The following LYST variants were observed in gnomAD, a reference collection of about 807,000 sequenced individuals.
LYST encodes lysosomal trafficking regulator.
A neutral mutation model predicts 413.6 loss-of-function variants in LYST; 192 were observed. That is an observed-to-expected ratio of 0.46 (90% CI 0.41 to 0.52). The LOEUF (loss-of-function observed/expected upper bound fraction) is 0.52, where lower values mean the gene tolerates loss of function less well. Among genes scored for constraint, LYST ranks in the 20% least tolerant of loss-of-function variants. LYST has a pLI of 0.00. For synonymous variants in LYST, 1,525 were observed against 1,567.3 expected, an observed-to-expected ratio of 0.97 and a Z score of 0.64; for missense variants, 3,815 against 4,499.9, an observed-to-expected ratio of 0.85 and a Z score of 4.35.
rs1215590592 is a variant in LYST at position 235,771,917 on chromosome 1, G to GTTTTTTTTTTTT, written c.5785-1632_5785-1621dup. On this transcript the variant is annotated intron_variant, in intron 19 of 52. Coordinates refer to ENST00000389793, the MANE Select transcript of LYST (RefSeq NM_000081.4). ...TAGATTAGAAAAGGTTTTTTAGTTT[G>GTTTTTTTTTTTT]TTTTTTTTTTTTTTTTTTTTTTTGG... 7.4e-4 allele frequency among the ~76,000 whole-genome samples: 54 copies of GTTTTTTTTTTTT among 72,642 alleles called. 1 individual carries two copies. The highest frequency in any genetic ancestry group is 9.9e-4 in the African/African-American group (18 of 18,260). The allele number at this position is 72,642 out of a possible 152,430, so 47.7% of individuals were successfully genotyped here. A position where few individuals can be genotyped will look rare whatever the true frequency, so the allele number is the denominator to read the frequency against.
chr1:235,724,782 C>A (rs1369379615), intron 38 of LYST, among the ~76,000 whole-genome samples: 1 of 152,142 alleles, frequency 6.6e-6, no homozygotes, highest in Non-Finnish European at 1.5e-5. Context: ...AGTATATAGC[C>A]TTTTAAGGTT....
At chr1:235,725,214 A>G (rs1663751784) in intron 38 of LYST, among the ~76,000 whole-genome samples, 2 of 152,162 alleles carry the variant, frequency 1.3e-5, no homozygotes, top group Non-Finnish European at 2.9e-5. Context: ...CAGGCAGATC[A>G]CTTGAGGTCA....
intron 1 of LYST, among the ~76,000 whole-genome samples, chr1:235,843,809 G>A (rs1366153860): frequency 1.3e-5 from 2 of 152,186 alleles, no homozygotes; most frequent in African/African-American, 2.4e-5. Flanking sequence ...CTTATAGGTT[G>A]ATTAGAAAGC....
rs148908773 is a variant in LYST at position 235,669,003 on chromosome 1, CAAG to C, written c.11039-4385_11039-4383del. Among the ~76,000 whole-genome samples, 612 of 152,294 alleles carry C rather than the reference CAAG, an allele frequency of 4.0e-3. 2 individuals carry two copies. The highest frequency in any genetic ancestry group is 0.014 in the African/African-American group (576 of 41,556). ...CTGAAGATATTACTTCTCCTGAACA[CAAG>C]AATAGATGAATGTTTTGTAGAAACA... On this transcript the variant is annotated intron_variant, in intron 50 of 52. Coordinates refer to ENST00000389793, the MANE Select transcript of LYST (RefSeq NM_000081.4).
intron 42 of LYST, chr1:235,713,010 GA>G (rs1662529017): frequency 1.0e-6 from 1 of 985,196 alleles, no homozygotes. Context: ...TGAACTTGTT[GA>G]AATTTGAACA....
At chr1:235,847,324 T>C (rs1677996250) in intron 1 of LYST, among the ~76,000 whole-genome samples, 1 of 152,112 alleles carries the variant, frequency 6.6e-6, no homozygotes. Flanking sequence ...GACAAACACA[T>C]GCTGAGAGAA....
At chr1:235,786,928 T>C (rs1157219698) in intron 14 of LYST, 4 of 284,104 alleles carry the variant, frequency 1.4e-5, no homozygotes, top group South Asian at 6.8e-5. Flanking sequence ...AGGGATAGCA[T>C]AGGAGATATA....
At position 235,805,611 on chromosome 1, in the gene LYST, G is replaced by A. The variant is rs902880359; in HGVS notation, c.3393+132C>T. 4 of 299,536 alleles carry A rather than the reference G, an allele frequency of 1.3e-5. No individual in the cohort carries two copies. In the Admixed American group the frequency reaches 1.5e-4, roughly 12 times the overall value. 18.6% of individuals were successfully genotyped at this position (299,536 alleles called of 1,614,324 possible). A position where few individuals can be genotyped will look rare whatever the true frequency, so the allele number is the denominator to read the frequency against. ...CATATATAAAAGTAATATATTATAT[G>A]TTATATATAACACAATAATATATAT... On this transcript the variant is annotated intron_variant, in intron 6 of 52. Coordinates refer to ENST00000389793, the MANE Select transcript of LYST (RefSeq NM_000081.4).
intron 1 of LYST, among the ~76,000 whole-genome samples, chr1:235,882,385 T>C (rs1235736995): frequency 3.3e-5 from 5 of 152,210 alleles, no homozygotes; most frequent in Non-Finnish European, 1.5e-5. Context: ...CTGTGTGCCA[T>C]GCGGAAGCTT....
Position 235,830,443 on chromosome 1 carries a change from A to C in LYST, c.-7-19T>G, listed in dbSNP as rs1369483724. 2 of 1,218,624 alleles carry C rather than the reference A, an allele frequency of 1.6e-6. No individual in the cohort carries two copies. The highest frequency in any genetic ancestry group is 3.1e-5 in the African/African-American group (2 of 63,828). The allele number at this position is 1,218,624 out of a possible 1,614,324, so 75.5% of individuals were successfully genotyped here. On this transcript the variant is annotated intron_variant, in intron 2 of 52. Transcript: ENST00000389793. ...GACCGAGCTATAAAATAAGTATTAC[A>C]AAAAAAAAAGATTAGGAAAACAAAT...
intron 13 of LYST, 85 bp downstream of exon 13, chr1:235,788,616 T>C: frequency 7.5e-7 from 1 of 1,333,038 alleles, no homozygotes; most frequent in South Asian, 1.2e-5. Flanking sequence ...TAATGAACTT[T>C]TATTAGTAGA....
At chr1:235,864,746 A>G in intron 1 of LYST, among the ~76,000 whole-genome samples, 1 of 152,356 alleles carries the variant, frequency 6.6e-6, no homozygotes, top group African/African-American at 2.4e-5. Flanking sequence ...AGCCTGGGCA[A>G]CAATGGCGAA....
rs753186347 is a variant in LYST, at chr1:235,662,998, T to C, written c.11348A>G (p.Gln3783Arg). The C allele has an allele frequency of 5.0e-6, 8 of 1,613,940 alleles. No homozygotes were observed. Among genetic ancestry groups the C allele is most frequent in the Non-Finnish European group, 6.8e-6 (8 of 1,179,930 alleles). Reference sequence around the variant, plus strand: ...GAACATTGGCTGTTTCAAGCGCTGCTGGTCCTTCCGACACCAGGCAATCAC... The same window carrying C: ...GAACATTGGCTGTTTCAAGCGCTGCCGGTCCTTCCGACACCAGGCAATCAC... ...GTVIAWCRKD[Q>R]QRLKQPMFYS... The change falls in exon 53 of 53, where the codon CAG (glutamine) becomes CGG (arginine). Residue 3783 changes from glutamine (Q) to arginine (R), a missense_variant. Physicochemically the swap from Gln to Arg is conservative, Grantham distance 43 (BLOSUM62 1). Transcript: ENST00000389793.
chr1:235,673,726 C>T (rs949714912), intron 50 of LYST, among the ~76,000 whole-genome samples: 4 of 152,146 alleles, frequency 2.6e-5, no homozygotes, highest in Admixed American at 6.5e-5. Flanking sequence ...GTTTCTTCCC[C>T]GCTATCCTCT....
At chr1:235,729,489 G>T (rs1265942828) in intron 37 of LYST, 107 bp downstream of exon 37, 1 of 773,170 alleles carries the variant, frequency 1.3e-6, no homozygotes, top group Non-Finnish European at 2.3e-6. Context: ...TGATACTACA[G>T]AAAGTTTATC....
intron 3 of LYST, chr1:235,827,752 A>C: frequency 6.3e-6 from 6 of 956,548 alleles, no homozygotes; most frequent in Non-Finnish European, 7.5e-6. Context: ...ATACCACCAC[A>C]GGAAAAAAAT....
intron 38 of LYST, among the ~76,000 whole-genome samples, chr1:235,725,034 T>C (rs1443053542): frequency 6.6e-6 from 1 of 152,232 alleles, no homozygotes; most frequent in African/African-American, 2.4e-5. Context: ...GATGAGGCCC[T>C]GGGCCCCTAG....
Position 235,670,618 on chromosome 1 carries a change from A to G in LYST, c.11039-5997T>C, listed in dbSNP as rs1280715923. 3.3e-5 allele frequency among the ~76,000 whole-genome samples: 5 copies of G among 152,224 alleles called. No homozygotes were observed. The East Asian group carries it at 7.7e-4, about 23-fold the overall frequency. ...TGGAAGGAAAAGGCCTACAGATGCC[A>G]TGGTGACCAAGTAATTCTGTGCACA... On this transcript the variant is annotated intron_variant, in intron 50 of 52. Coordinates refer to ENST00000389793, the MANE Select transcript of LYST (RefSeq NM_000081.4).
Position 235,759,598 on chromosome 1 carries a change from T to C in LYST, c.6255A>G (p.Gly2085=), listed in dbSNP as rs775618822. 1.2e-5 allele frequency: 19 copies of C among 1,611,514 alleles called. No individual in the cohort carries two copies. The South Asian group carries it at 2.0e-4, about 17-fold the overall frequency. The change falls in exon 23 of 53, where the codon GGA becomes GGG. Residue 2085 remains glycine (G), a splice_region_variant and synonymous_variant. Coordinates refer to ENST00000389793, the MANE Select transcript of LYST (RefSeq NM_000081.4). Reference sequence around the variant, plus strand: ...GTGGAATAATATTAGAGGAATTCTCTCCTGGTAAGAGTAGATACAAAAATA... The same window carrying C: ...GTGGAATAATATTAGAGGAATTCTCCCCTGGTAAGAGTAGATACAAAAATA... ...PSGFTASPYE[G]ENSSNIIPQQ...
Sources: gnomAD v4.1 joint callset for allele counts (sites outside exome capture counted in the v4.1 genomes callset) on GRCh38, gnomAD v4.1.1 for gene constraint, MANE v1.5 for transcripts, NCBI Gene and HGNC (gene_info 2026-07-23, HGNC 2026-07-21) for gene names.